Variants in ADGRL3 observed in about 807,000 individuals in gnomAD.
ADGRL3 encodes adhesion G protein-coupled receptor L3.
In ADGRL3, 62 loss-of-function variants were observed where a neutral mutation model predicts 153.5. The observed-to-expected ratio is 0.40, with a 90% CI of 0.33 to 0.50. ADGRL3 has a LOEUF of 0.50. Ranked by LOEUF, ADGRL3 falls within the 20% of genes least tolerant of loss-of-function variation. ADGRL3 has a pLI of 0.47. For synonymous variants in ADGRL3, 710 were observed against 672.5 expected, an observed-to-expected ratio of 1.06 and a Z score of -0.86; for missense variants, 1,641 against 1,859.4, an observed-to-expected ratio of 0.88 and a Z score of 2.16.
intron 2 of ADGRL3, among the ~76,000 whole-genome samples, chr4:61,491,176 C>T (rs548680992): frequency 1.3e-3 from 200 of 152,158 alleles, no homozygotes; most frequent in Middle Eastern, 6.8e-3. Flanking sequence ...CCATGTAGAA[C>T]CACTTTTGGA....
chr4:61,912,040 A>G (rs966842169), intron 12 of ADGRL3, among the ~76,000 whole-genome samples: 1 of 152,172 alleles, frequency 6.6e-6, no homozygotes, highest in African/African-American at 2.4e-5. Flanking sequence ...ACAGAAATAT[A>G]CTTCTTAACC....
At position 61,954,973 on chromosome 4, in the gene ADGRL3, C is replaced by T. The variant is rs998803904; in HGVS notation, c.2805+6697C>T. ...GTGCTCAGAGAGATTTCAGCTAGGT[C>T]CCCTCAGGCAGACAAGAAAAGTAAA... On this transcript the variant is annotated intron_variant, in intron 17 of 26. Coordinates refer to ENST00000683033, the MANE Select transcript of ADGRL3 (RefSeq NM_001387552.1). Among the ~76,000 whole-genome samples, 4 of 152,244 alleles carry T rather than the reference C, an allele frequency of 2.6e-5. No homozygotes were observed. The South Asian group carries it at 8.3e-4, about 32-fold the overall frequency.
chr4:61,207,878 C>T (rs1432432434), intron 1 of ADGRL3, among the ~76,000 whole-genome samples: 1 of 152,118 alleles, frequency 6.6e-6, no homozygotes. Context: ...TGAGATCTGC[C>T]TCCTTGTGCT....
intron 21 of ADGRL3, among the ~76,000 whole-genome samples, chr4:62,016,655 G>A (rs2099213308): frequency 6.6e-6 from 1 of 152,022 alleles, no homozygotes; most frequent in African/African-American, 2.4e-5. Context: ...TTGCAAAACT[G>A]TTTTAGCTAC....
chr4:61,397,521 T>C (rs541218745), intron 2 of ADGRL3, among the ~76,000 whole-genome samples: 1 of 152,054 alleles, frequency 6.6e-6, no homozygotes, highest in South Asian at 2.1e-4. Context: ...AGTTATGAGT[T>C]GAAAGCATCT....
chr4:61,485,941 T>C (rs1431648574), intron 2 of ADGRL3, among the ~76,000 whole-genome samples: 1 of 151,776 alleles, frequency 6.6e-6, no homozygotes, highest in African/African-American at 2.4e-5. Context: ...TGTTTGTTTG[T>C]TTGTTTGTTT....
At chr4:61,878,962 T>C (rs1187717084) in intron 9 of ADGRL3, among the ~76,000 whole-genome samples, 1 of 152,198 alleles carries the variant, frequency 6.6e-6, no homozygotes, top group African/African-American at 2.4e-5. Context: ...TATTGTACAT[T>C]TTAATATTGA....
At chr4:61,559,739 T>C (rs2098786196) in intron 4 of ADGRL3, among the ~76,000 whole-genome samples, 1 of 152,122 alleles carries the variant, frequency 6.6e-6, no homozygotes, top group Admixed American at 6.6e-5. Context: ...CTTCTCTATT[T>C]GCTTATGTCC....
At chr4:61,888,365 A>C (rs1420828247) in intron 9 of ADGRL3, among the ~76,000 whole-genome samples, 1 of 152,258 alleles carries the variant, frequency 6.6e-6, no homozygotes, top group East Asian at 1.9e-4. Flanking sequence ...TATATTGAAA[A>C]AGTGTCATAT....
At chr4:61,868,760 T>G (rs556522427) in intron 9 of ADGRL3, among the ~76,000 whole-genome samples, 1 of 152,244 alleles carries the variant, frequency 6.6e-6, no homozygotes, top group Non-Finnish European at 1.5e-5. Flanking sequence ...TGGCAAGGCA[T>G]TTCCAGCTGC....
chr4:61,667,080 CAT>C (rs1425890311), intron 5 of ADGRL3, among the ~76,000 whole-genome samples: 27 of 152,102 alleles, frequency 1.8e-4, no homozygotes, highest in African/African-American at 6.0e-4. Flanking sequence ...GAATTTTACT[CAT>C]GTGTCTGACA....
intron 17 of ADGRL3, among the ~76,000 whole-genome samples, chr4:61,962,973 C>G (rs560299656): frequency 2.0e-5 from 3 of 152,100 alleles, no homozygotes; most frequent in African/African-American, 7.2e-5. Flanking sequence ...ATAGTTCTCA[C>G]AACTATAGAG....
At chr4:61,380,469 ATGAAT>A (rs1163636555) in intron 1 of ADGRL3, among the ~76,000 whole-genome samples, 1 of 152,020 alleles carries the variant, frequency 6.6e-6, no homozygotes, top group Non-Finnish European at 1.5e-5. Context: ...TTTGTAATTG[ATGAAT>A]TGAATGTCAT....
intron 9 of ADGRL3, among the ~76,000 whole-genome samples, chr4:61,848,868 C>T (rs1052191474): frequency 6.6e-6 from 1 of 152,076 alleles, no homozygotes; most frequent in East Asian, 1.9e-4. Flanking sequence ...TGAGGATTTT[C>T]TAAGATTTGC....
intron 8 of ADGRL3, among the ~76,000 whole-genome samples, chr4:61,793,739 C>T (rs906241455): frequency 3.9e-5 from 6 of 152,204 alleles, no homozygotes; most frequent in South Asian, 2.1e-4. Context: ...AAACTCAAAA[C>T]GATAAGTTAT....
chr4:61,314,814 T>C (rs774542730), intron 1 of ADGRL3, among the ~76,000 whole-genome samples: 60 of 152,172 alleles, frequency 3.9e-4, no homozygotes, highest in Non-Finnish European at 7.1e-4. Context: ...CTATAATGCA[T>C]AGGACTGCCT....
At chr4:61,587,487 C>T (rs1223096317) in intron 5 of ADGRL3, 47 bp downstream of exon 5, 1 of 1,323,436 alleles carries the variant, frequency 7.6e-7, no homozygotes, top group Non-Finnish European at 1.1e-6. Context: ...TATAAACCTT[C>T]AACATCAATC....
chr4:61,641,208 A>G (rs926944427), intron 5 of ADGRL3, among the ~76,000 whole-genome samples: 2 of 152,136 alleles, frequency 1.3e-5, no homozygotes, highest in Non-Finnish European at 2.9e-5. Flanking sequence ...TTTCATGATT[A>G]CATGATGTGA....
At chr4:61,805,903 A>T (rs1225698823) in intron 8 of ADGRL3, among the ~76,000 whole-genome samples, 1 of 152,154 alleles carries the variant, frequency 6.6e-6, no homozygotes, top group Non-Finnish European at 1.5e-5. Context: ...GTAGACAGAG[A>T]GTTAACATCG....
Sources: allele counts gnomAD v4.1 joint callset (sites outside exome capture counted in the v4.1 genomes callset), GRCh38; gene constraint gnomAD v4.1.1; transcripts MANE v1.5; gene names NCBI Gene and HGNC (gene_info 2026-07-23, HGNC 2026-07-21).